TTC29: variants seen among roughly 807,000 people sequenced by gnomAD.
The protein encoded by TTC29 is tetratricopeptide repeat protein 29.
In TTC29, 49 loss-of-function variants were observed where a neutral mutation model predicts 58.1. The ratio of observed to expected loss-of-function variants is 0.84; its 90% CI spans 0.67 to 1.07. The LOEUF is 1.07. Ranked by LOEUF, TTC29 falls within the 50% of genes least tolerant of loss-of-function variation. The probability of loss-of-function intolerance (pLI) is 0.00; values close to 1 mark genes in which losing one functional copy is unlikely to be tolerated. For synonymous variants in TTC29, 209 were observed against 196.8 expected, an observed-to-expected ratio of 1.06 and a Z score of -0.52; for missense variants, 582 against 555.6, an observed-to-expected ratio of 1.05 and a Z score of -0.48.
At chr4:146,765,343 C>T (rs779522284) in intron 11 of TTC29, among the ~76,000 whole-genome samples, 6 of 152,056 alleles carry the variant, frequency 3.9e-5, no homozygotes, top group Non-Finnish European at 8.8e-5. Flanking sequence ...AATGCTCGGT[C>T]ATTTCTTTAA....
At chr4:146,816,123 G>A (rs1298691422) in intron 10 of TTC29, among the ~76,000 whole-genome samples, 1 of 152,054 alleles carries the variant, frequency 6.6e-6, no homozygotes, top group East Asian at 1.9e-4. Context: ...TCAACTTCCA[G>A]AAGTTAAATT....
Position 146,897,139 on chromosome 4 carries a change from A to G in TTC29, c.586+6405T>C, listed in dbSNP as rs561675723. ...TCTTTTGAAGCCTACAGACTTACTCATGGTCCCATCTTTGTCCTCATTCTT... is the reference window on the plus strand; with the variant it reads ...TCTTTTGAAGCCTACAGACTTACTCGTGGTCCCATCTTTGTCCTCATTCTT... On this transcript the variant is annotated intron_variant, in intron 6 of 12. Coordinates refer to ENST00000325106, the MANE Select transcript of TTC29 (RefSeq NM_031956.4). 5.8e-4 allele frequency among the ~76,000 whole-genome samples: 88 copies of G among 152,212 alleles called. 2 individuals carry two copies. The South Asian group carries it at 0.018, about 31-fold the overall frequency.
At chr4:146,901,769 C>T (rs1015499807) in intron 6 of TTC29, among the ~76,000 whole-genome samples, 2 of 152,300 alleles carry the variant, frequency 1.3e-5, no homozygotes, top group African/African-American at 4.8e-5. Context: ...CATTGTGTAT[C>T]CCCTTGCTCT....
chr4:146,776,252 T>G (rs1450458793), intron 11 of TTC29, among the ~76,000 whole-genome samples: 1 of 152,184 alleles, frequency 6.6e-6, no homozygotes, highest in East Asian at 1.9e-4. Flanking sequence ...ATGTCGATGA[T>G]CTTCACTCCT....
chr4:146,885,908 A>G (rs1378499950), intron 6 of TTC29, among the ~76,000 whole-genome samples: 1 of 151,940 alleles, frequency 6.6e-6, no homozygotes, highest in East Asian at 1.9e-4. Context: ...TAATCATTCA[A>G]TTTGATTTTT....
chr4:146,723,058 C>G (rs1743490540), intron 11 of TTC29, among the ~76,000 whole-genome samples: 1 of 152,040 alleles, frequency 6.6e-6, no homozygotes, highest in South Asian at 2.1e-4. Flanking sequence ...ACCAGCCTGG[C>G]TAACATGGTG....
chr4:146,767,905 T>C (rs1747446884), intron 11 of TTC29, among the ~76,000 whole-genome samples: 1 of 152,094 alleles, frequency 6.6e-6, no homozygotes, highest in Non-Finnish European at 1.5e-5. Context: ...TTAACATACC[T>C]GGGCTTCAGC....
chr4:146,898,632 G>T (rs1241566493), intron 6 of TTC29, among the ~76,000 whole-genome samples: 2 of 152,204 alleles, frequency 1.3e-5, no homozygotes, highest in Non-Finnish European at 1.5e-5. Flanking sequence ...TGCCTTGTCT[G>T]CAGTGAACAT....
chr4:146,798,659 G>T (rs1284215835), intron 11 of TTC29, among the ~76,000 whole-genome samples: 1 of 151,850 alleles, frequency 6.6e-6, no homozygotes, highest in Non-Finnish European at 1.5e-5. Context: ...GGGAGGCCGA[G>T]GCAGGTGGAT....
intron 8 of TTC29, among the ~76,000 whole-genome samples, chr4:146,851,174 A>G (rs1351517692): frequency 6.6e-6 from 1 of 152,246 alleles, no homozygotes; most frequent in Non-Finnish European, 1.5e-5. Flanking sequence ...GAAGTAGCAT[A>G]TGCCAGACAT....
At chr4:146,760,427 G>GA (rs966667971) in intron 11 of TTC29, among the ~76,000 whole-genome samples, 1 of 151,406 alleles carries the variant, frequency 6.6e-6, no homozygotes, top group African/African-American at 2.4e-5. Flanking sequence ...CACAAAATTA[G>GA]AAAAAAAATT....
chr4:146,793,294 T>C (rs1290869199), intron 11 of TTC29, among the ~76,000 whole-genome samples: 1 of 152,108 alleles, frequency 6.6e-6, no homozygotes, highest in Admixed American at 6.6e-5. Flanking sequence ...AACTGCATTA[T>C]TGTCCTATTT....
chr4:146,910,517 T>G (rs1204743279), intron 4 of TTC29, among the ~76,000 whole-genome samples: 1 of 150,130 alleles, frequency 6.7e-6, no homozygotes, highest in African/African-American at 2.5e-5. Flanking sequence ...AGCAGGAGAG[T>G]GGTGAGACAG....
chr4:146,729,359 C>A (rs908680341), intron 11 of TTC29, among the ~76,000 whole-genome samples: 2 of 151,956 alleles, frequency 1.3e-5, no homozygotes, highest in Non-Finnish European at 2.9e-5. Flanking sequence ...CTTTTTAAAA[C>A]TGGATTGTTC....
intron 11 of TTC29, among the ~76,000 whole-genome samples, chr4:146,792,420 C>T (rs1412807518): frequency 6.6e-6 from 1 of 152,146 alleles, no homozygotes; most frequent in East Asian, 1.9e-4. Context: ...ATATGTTAAG[C>T]CCACCATTGA....
At chr4:146,913,907 AT>A (rs1734054867) in intron 4 of TTC29, among the ~76,000 whole-genome samples, 1 of 152,150 alleles carries the variant, frequency 6.6e-6, no homozygotes, top group Admixed American at 6.6e-5. Flanking sequence ...TTTCTAGTAC[AT>A]TTTTAAAAAA....
chr4:146,888,880 G>T (rs1732166373), intron 6 of TTC29, among the ~76,000 whole-genome samples: 1 of 152,090 alleles, frequency 6.6e-6, no homozygotes, highest in South Asian at 2.1e-4. Context: ...CCTCATTTTA[G>T]AGCTGAGGGA....
intron 4 of TTC29, among the ~76,000 whole-genome samples, chr4:146,932,937 A>T (rs1486506306): frequency 1.3e-5 from 2 of 152,110 alleles, no homozygotes; most frequent in African/African-American, 2.4e-5. Context: ...GGACGCCTGT[A>T]GTCCCAGCTA....
At chr4:146,767,101 C>T (rs1390920248) in intron 11 of TTC29, among the ~76,000 whole-genome samples, 1 of 152,044 alleles carries the variant, frequency 6.6e-6, no homozygotes, top group Non-Finnish European at 1.5e-5. Flanking sequence ...TAGCATTTGA[C>T]ATGAGAAAAG....
Sources: allele counts gnomAD v4.1 joint callset (sites outside exome capture counted in the v4.1 genomes callset), GRCh38; gene constraint gnomAD v4.1.1; transcripts MANE v1.5; gene names NCBI Gene and HGNC (gene_info 2026-07-23, HGNC 2026-07-21).